CDH10: variants seen among roughly 807,000 people sequenced by gnomAD.
CDH10 encodes cadherin-10.
Under a neutral mutation model 73.1 loss-of-function variants are expected in CDH10, and 30 were observed. The observed-to-expected ratio is 0.41, with a 90% CI of 0.31 to 0.56. The LOEUF (loss-of-function observed/expected upper bound fraction) is 0.56. CDH10 is among the 20% of genes least tolerant of loss of function. CDH10 has a pLI of 0.27. For synonymous variants in CDH10, 345 were observed against 348.2 expected (o/e 0.99, Z 0.10); for missense variants, 815 against 973.7 (o/e 0.84, Z 2.17).
chr5:24,526,087 T>C (rs1433153536), intron 5 of CDH10, among the ~76,000 whole-genome samples: 1 of 152,022 alleles, frequency 6.6e-6, no homozygotes, highest in Non-Finnish European at 1.5e-5. Flanking sequence ...CTAAAAACTC[T>C]GCAACAACAG....
intron 5 of CDH10, among the ~76,000 whole-genome samples, chr5:24,516,204 A>C (rs1222763892): frequency 6.6e-6 from 1 of 152,172 alleles, no homozygotes; most frequent in East Asian, 1.9e-4. Flanking sequence ...CTATCACTGA[A>C]TCAGTCTGTT....
chr5:24,561,977 T>A (rs571644142), intron 2 of CDH10, among the ~76,000 whole-genome samples: 2 of 148,812 alleles, frequency 1.3e-5, no homozygotes, highest in South Asian at 2.2e-4. Context: ...TTTAGTCAAA[T>A]TTGATTGGAG....
chr5:24,520,827 A>G (rs142111615), intron 5 of CDH10, among the ~76,000 whole-genome samples: 3 of 152,222 alleles, frequency 2.0e-5, no homozygotes, highest in Non-Finnish European at 4.4e-5. Context: ...CCCAGGTTCA[A>G]GCAATTCTCC....
At chr5:24,503,823 G>A (rs1742586584) in intron 8 of CDH10, among the ~76,000 whole-genome samples, 1 of 151,964 alleles carries the variant, frequency 6.6e-6, no homozygotes, top group Non-Finnish European at 1.5e-5. Flanking sequence ...ATGACACCTG[G>A]CATATATGAT....
chr5:24,555,123 A>AT (rs1209929290), intron 2 of CDH10, among the ~76,000 whole-genome samples: 1 of 151,816 alleles, frequency 6.6e-6, no homozygotes, highest in Non-Finnish European at 1.5e-5. Flanking sequence ...ATATGATTTA[A>AT]TTTTTCTAAT....
At chr5:24,499,993 T>C (rs946834825) in intron 8 of CDH10, among the ~76,000 whole-genome samples, 1 of 152,122 alleles carries the variant, frequency 6.6e-6, no homozygotes, top group African/African-American at 2.4e-5. Context: ...TATAATTAGC[T>C]GAAAACAAAA....
chr5:24,518,535 T>C (rs1409434124), intron 5 of CDH10, among the ~76,000 whole-genome samples: 3 of 152,114 alleles, frequency 2.0e-5, no homozygotes, highest in Admixed American at 2.0e-4. Flanking sequence ...TTTACCAAGC[T>C]AATAAATCTT....
Position 24,537,445 on chromosome 5 carries a change from T to C in CDH10, c.461A>G (p.Asn154Ser). The C allele has an allele frequency of 1.2e-6, 2 of 1,612,780 alleles. No individual in the cohort carries two copies. Among genetic ancestry groups the C allele is most frequent in the Non-Finnish European group, 1.7e-6 (2 of 1,178,968 alleles). Reference protein sequence around the residue: ...SEFVIKIHDINDNEPTFPEEI... With the variant: ...SEFVIKIHDISDNEPTFPEEI... ...TTCTGGGAACGTTGGCTCATTGTCA[T>C]TGATATCATGAATTTTGATCACAAA... Residue 154 changes from asparagine to serine, a missense_variant, in exon 3 of 12, where the codon AAT becomes AGT. Transcript: ENST00000264463.
chr5:24,573,757 A>T (rs1173946112), intron 2 of CDH10, among the ~76,000 whole-genome samples: 1 of 148,864 alleles, frequency 6.7e-6, no homozygotes, highest in Non-Finnish European at 1.5e-5. Context: ...TTCAATTTTC[A>T]ATTATCATAA....
chr5:24,488,062 G>A lies in CDH10; in HGVS notation c.1968C>T (p.Ser656=), dbSNP rs1195787688. 6 of 1,613,852 alleles carry A rather than the reference G, an allele frequency of 3.7e-6. No individual in the cohort carries two copies. The highest frequency in any genetic ancestry group is 5.1e-6 in the Non-Finnish European group (6 of 1,179,902). Residue 656 remains serine, a synonymous_variant, in exon 12 of 12, where the codon AGC becomes AGT. Coordinates refer to ENST00000264463, the MANE Select transcript of CDH10 (RefSeq NM_006727.5). ...CCTCTCCACCACCCTCATCGTTATA[G>A]CTCACAATGTTGTCTCTGATATCTT... ...SKEDIRDNIV[S]YNDEGGGEED...
At chr5:24,561,546 T>C (rs746805773) in intron 2 of CDH10, among the ~76,000 whole-genome samples, 18 of 152,000 alleles carry the variant, frequency 1.2e-4, no homozygotes, top group African/African-American at 4.1e-4. Flanking sequence ...AGTTCCCCTT[T>C]CCCTCCCTGT....
intron 5 of CDH10, among the ~76,000 whole-genome samples, chr5:24,524,516 G>A (rs764370279): frequency 1.1e-4 from 16 of 151,984 alleles, no homozygotes; most frequent in Non-Finnish European, 1.5e-4. Flanking sequence ...TTACAGTGAT[G>A]AAGCTTTAAT....
chr5:24,554,681 C>G (rs1744704312), intron 2 of CDH10, among the ~76,000 whole-genome samples: 9 of 151,962 alleles, frequency 5.9e-5, no homozygotes, highest in Admixed American at 5.9e-4. Flanking sequence ...CTAGTCAAAT[C>G]TGATTTTCAT....
intron 2 of CDH10, among the ~76,000 whole-genome samples, chr5:24,579,036 T>C (rs6876077): frequency 0.029 from 4,436 of 152,072 alleles, 215 homozygotes; most frequent in African/African-American, 0.1. Flanking sequence ...AAATGAGAAA[T>C]ATTATTTAAG....
intron 2 of CDH10, among the ~76,000 whole-genome samples, chr5:24,591,712 T>C (rs1278684177): frequency 6.6e-6 from 1 of 151,880 alleles, no homozygotes; most frequent in Admixed American, 6.6e-5. Flanking sequence ...AGCTTAATAC[T>C]CTCTTACTAC....
rs189474749 is a variant in CDH10 at position 24,584,754 on chromosome 5, C to T, written c.231+8506G>A. On this transcript the variant is annotated intron_variant, in intron 2 of 11. Transcript: ENST00000264463. ...GAAGTGCTGGGATTACAGGTGTGAG[C>T]TACCGTGCCCGACCTCACATCCCTT... Among the ~76,000 whole-genome samples, 4 of 152,140 alleles carry T rather than the reference C, an allele frequency of 2.6e-5. No homozygotes were observed. In the East Asian group the frequency reaches 7.8e-4, roughly 30 times the overall value.
intron 8 of CDH10, among the ~76,000 whole-genome samples, chr5:24,503,244 G>C (rs1742562204): frequency 6.6e-6 from 1 of 152,112 alleles, no homozygotes; most frequent in South Asian, 2.1e-4. Context: ...TGTGGATTCA[G>C]CTTAGTATTA....
intron 11 of CDH10, among the ~76,000 whole-genome samples, chr5:24,489,338 A>C (rs1451906258): frequency 6.6e-6 from 1 of 152,122 alleles, no homozygotes; most frequent in Non-Finnish European, 1.5e-5. Context: ...CAAACAATAA[A>C]CTTTTTTAAT....
At chr5:24,500,700 A>G (rs1247911772) in intron 8 of CDH10, among the ~76,000 whole-genome samples, 2 of 152,232 alleles carry the variant, frequency 1.3e-5, no homozygotes, top group African/African-American at 2.4e-5. Context: ...AAAATTTCTT[A>G]TGAAAGTATC....
Sources: allele counts gnomAD v4.1 joint callset (sites outside exome capture counted in the v4.1 genomes callset), GRCh38; gene constraint gnomAD v4.1.1; transcripts MANE v1.5; gene names NCBI Gene and HGNC (gene_info 2026-07-23, HGNC 2026-07-21).